CIITA: variants seen among roughly 807,000 people sequenced by gnomAD.
CIITA encodes the protein MHC class II transactivator.
CIITA carries 72 observed loss-of-function variants against 115.1 expected under a neutral mutation model. The ratio of observed to expected loss-of-function variants is 0.63; its 90% CI spans 0.52 to 0.76. The LOEUF (loss-of-function observed/expected upper bound fraction) is 0.76. CIITA is among the 30% of genes least tolerant of loss of function. CIITA has a pLI of 0.00. For synonymous variants in CIITA, 763 were observed against 635.6 expected, an observed-to-expected ratio of 1.20 and a Z score of -3.02; for missense variants, 1,617 against 1,463.8, an observed-to-expected ratio of 1.10 and a Z score of -1.71.
In CIITA at chr16:10,906,925, T is replaced by C. The variant is rs771003339; in HGVS notation, c.1433T>C (p.Val478Ala). 1 of 1,613,370 alleles carries C rather than the reference T, an allele frequency of 6.2e-7. No homozygotes were observed. Among genetic ancestry groups the C allele is most frequent in the Non-Finnish European group, 8.5e-7 (1 of 1,180,026 alleles). Residue 478 changes from valine to alanine, a missense_variant, in exon 11 of 20, where the codon GTG (valine) becomes GCG (alanine). Physicochemically the swap from Val to Ala is moderately conservative, Grantham distance 64 (BLOSUM62 0). Transcript: ENST00000324288. Reference protein sequence around the residue: ...LLFSLGPQPLVAADEVFSHIL... With the variant: ...LLFSLGPQPLAAADEVFSHIL... ...TTCTCCCTGGGCCCACAGCCACTCG[T>C]GGCGGCCGATGAGGTTTTCAGCCAC...
At chr16:10,874,423 C>T (rs534081916), upstream of CIITA, among the ~76,000 whole-genome samples, 11 of 152,288 alleles carry the variant, frequency 7.2e-5, no homozygotes, top group African/African-American at 2.4e-4. Context: ...CTGAGACATC[C>T]GGCCCCCTCC....
downstream of CIITA, chr16:10,940,797 G>C (rs909479599): frequency 6.6e-6 from 1 of 152,316 alleles, no homozygotes; most frequent in Non-Finnish European, 1.5e-5. The surrounding 1 kb of genome is among the most constrained non-coding windows in gnomAD (Gnocchi z 4.2). Context: ...GACAGGACTT[G>C]ACCATCTCAG....
rs973592349 is a variant in CIITA at position 10,935,371 on chromosome 16, T to C, written c.*11516T>C. 3 of 152,228 alleles carry C rather than the reference T, an allele frequency of 2.0e-5. No individual in the cohort carries two copies. Among genetic ancestry groups the C allele is most frequent in the African/African-American group, 7.2e-5 (3 of 41,454 alleles). The allele number at this position is 152,228 out of a possible 1,614,324, so 9.4% of individuals were successfully genotyped here. The stretch of plus-strand genomic sequence containing the variant: ...ATGTTTATCACCCGACAGTTGTTAA[T>C]CTCTTTTTAACAAAGAATACAGGCC... On this transcript the variant is annotated 3_prime_UTR_variant, in exon 20 of 20. Transcript: ENST00000324288.
chr16:10,875,161 G>A (rs933294137), upstream of CIITA, among the ~76,000 whole-genome samples: 2 of 151,998 alleles, frequency 1.3e-5, no homozygotes, highest in Admixed American at 6.6e-5. Flanking sequence ...ATTTTGCCAC[G>A]TTGGCCAGGC....
rs368180578 is a variant in CIITA, at chr16:10,906,108, G to A, written c.1007-391G>A. On this transcript the variant is annotated intron_variant, in intron 10 of 19. Transcript: ENST00000324288. ...CTCAGGAGGCTGAGGTGGGAGGATT[G>A]CTTGAGCCTGTGAGGTTGAAGCTGT... Among the ~76,000 whole-genome samples the A allele has an allele frequency of 1.8e-4, 27 of 152,122 alleles. No individual in the cohort carries two copies. In the East Asian group the frequency reaches 5.0e-3, roughly 28 times the overall value.
rs1567452724 is a variant in CIITA, at chr16:10,923,938, C to G, written c.*83C>G. ...GAACTGGGTACTTGTGGACACAGCT[C>G]TTCTCCAGGCTGTATCCCATGAGCC... is the stretch of plus-strand genomic sequence containing the variant. On this transcript the variant is annotated 3_prime_UTR_variant, in exon 20 of 20. Coordinates refer to ENST00000324288, the MANE Select transcript of CIITA (RefSeq NM_000246.4). The surrounding 1 kb of genome is among the most constrained non-coding windows in gnomAD (Gnocchi z 5.2). 1 of 153,528 alleles carries G rather than the reference C, an allele frequency of 6.5e-6. No homozygotes were observed. Among genetic ancestry groups the G allele is most frequent in the Non-Finnish European group, 1.5e-5 (1 of 68,680 alleles). The allele number at this position is 153,528 out of a possible 1,614,324, so 9.5% of individuals were successfully genotyped here.
At position 10,901,909 on chromosome 16, in the gene CIITA, C is replaced by A; in HGVS notation, c.482-129C>A. 1.5e-6 allele frequency: 2 copies of A among 1,326,972 alleles called. No homozygotes were observed. The highest frequency in any genetic ancestry group is 1.1e-6 in the Non-Finnish European group (1 of 936,930). 82.2% of individuals were successfully genotyped at this position (1,326,972 alleles called of 1,614,324 possible). A position where few individuals can be genotyped will look rare whatever the true frequency, so the allele number is the denominator to read the frequency against. On this transcript the variant is annotated intron_variant, in intron 6 of 19. Transcript: ENST00000324288. This position sits in a 1 kb window ranked among gnomAD's most constrained non-coding sequence, Gnocchi z 6.8. ...GAGCAGTTGCTGATCAACACAGCTGCAGCCAGGGCTGAGAAGATGACAAGC... is the reference window on the plus strand; with the variant it reads ...GAGCAGTTGCTGATCAACACAGCTGAAGCCAGGGCTGAGAAGATGACAAGC...
upstream of CIITA, among the ~76,000 whole-genome samples, chr16:10,873,246 G>A (rs2035606952): frequency 6.6e-6 from 1 of 152,200 alleles, no homozygotes; most frequent in Non-Finnish European, 1.5e-5. Context: ...AGTGCAGTGT[G>A]CCACTGCACC....
At chr16:10,891,358 C>T (rs1470384683) in intron 1 of CIITA, among the ~76,000 whole-genome samples, 2 of 152,072 alleles carry the variant, frequency 1.3e-5, no homozygotes, top group Admixed American at 1.3e-4. Flanking sequence ...GGGTCTCAGT[C>T]TTGTCATCTG....
rs759674349 is a variant in CIITA, at chr16:10,922,501, G to T, written c.3317+11G>T. ...TGTGGAGACGCTGGCGTAAGTCCAG[G>T]CAACCCTGGTGGGTGGAGAACAACT... On this transcript the variant is annotated intron_variant, in intron 18 of 19. Transcript: ENST00000324288. 6.2e-6 allele frequency: 10 copies of T among 1,613,766 alleles called. No individual in the cohort carries two copies. The highest frequency in any genetic ancestry group is 5.1e-6 in the Non-Finnish European group (6 of 1,179,830).
intron 10 of CIITA, among the ~76,000 whole-genome samples, chr16:10,905,084 C>G (rs906259701): frequency 6.6e-6 from 1 of 152,234 alleles, no homozygotes; most frequent in African/African-American, 2.4e-5. Context: ...GAATGAGGGG[C>G]AAGCGAATGA....
At chr16:10,871,942 A>C (rs1274071512) in intron 1 of CIITA, among the ~76,000 whole-genome samples, 1 of 152,104 alleles carries the variant, frequency 6.6e-6, no homozygotes, top group Non-Finnish European at 1.5e-5. Flanking sequence ...GCACTTCTCC[A>C]ACCAGTCACG....
intron 10 of CIITA, among the ~76,000 whole-genome samples, chr16:10,905,552 G>A (rs1267923066): frequency 6.6e-6 from 1 of 152,152 alleles, no homozygotes; most frequent in African/African-American, 2.4e-5. Flanking sequence ...CCTGAGGTCA[G>A]GAGTTCGAGA....
upstream of CIITA, among the ~76,000 whole-genome samples, chr16:10,873,952 T>G (rs1378304601): frequency 6.6e-6 from 1 of 152,108 alleles, no homozygotes; most frequent in African/African-American, 2.4e-5. Context: ...TTTTTGTTGT[T>G]GCTGTTGTTG....
chr16:10,874,303 C>A (rs1201918907), upstream of CIITA, among the ~76,000 whole-genome samples: 1 of 152,128 alleles, frequency 6.6e-6, no homozygotes, highest in African/African-American at 2.4e-5. Context: ...CTTTAAGAGG[C>A]AGGAACAAGG....
chr16:10,895,544 C>T, intron 2 of CIITA, 116 bp downstream of exon 2: 1 of 1,562,986 alleles, frequency 6.4e-7, no homozygotes, highest in South Asian at 1.1e-5. Flanking sequence ...CGGACAGCTC[C>T]CACGTCTGTG....
At chr16:10,908,829 G>A (rs1485803874) in intron 11 of CIITA, 200 bp from the exon 12 acceptor site, 5 of 729,118 alleles carry the variant, frequency 6.9e-6, no homozygotes, top group Middle Eastern at 3.8e-4. Context: ...AGCAAAAAGG[G>A]AAAGAAAACC....
chr16:10,898,685 A>T lies in CIITA; in HGVS notation c.311A>T (p.Tyr104Phe), dbSNP rs747941848. The T allele has an allele frequency of 8.1e-6, 13 of 1,611,022 alleles. No individual in the cohort carries two copies. Among genetic ancestry groups the T allele is most frequent in the Non-Finnish European group, 1.0e-5 (12 of 1,178,886 alleles). Residue 104 changes from tyrosine (Y) to phenylalanine (F), a missense_variant, in exon 4 of 20, where the codon TAT (tyrosine) becomes TTT (phenylalanine). Physicochemically the swap from Tyr to Phe is conservative, Grantham distance 22. Coordinates refer to ENST00000324288, the MANE Select transcript of CIITA (RefSeq NM_000246.4). The stretch of plus-strand genomic sequence containing the variant: ...GTCTGGGCAGCGGAACTGGACCAGT[A>T]TGTCTTCCAGGACTCCCAGCTGGAG... ...AYANIAELDQ[Y>F]VFQDSQLEGL...
intron 3 of CIITA, 117 bp downstream of exon 3, chr16:10,895,881 G>T: frequency 9.9e-7 from 1 of 1,005,568 alleles, no homozygotes; most frequent in East Asian, 2.6e-5. Flanking sequence ...AGAAATCATT[G>T]CAAGGGGGAT....
Sources: allele counts gnomAD v4.1 joint callset (sites outside exome capture counted in the v4.1 genomes callset), GRCh38; gene constraint gnomAD v4.1.1; non-coding constraint Gnocchi (gnomAD v3.1); transcripts MANE v1.5; gene names NCBI Gene and HGNC (gene_info 2026-07-23, HGNC 2026-07-21).